CGNL1: variants seen among roughly 807,000 people sequenced by gnomAD.
The protein encoded by CGNL1 is cingulin-like protein 1.
CGNL1 carries 132 observed loss-of-function variants against 141.2 expected under a neutral mutation model. That is an observed-to-expected ratio of 0.93 (90% CI 0.81 to 1.08). The LOEUF (loss-of-function observed/expected upper bound fraction) is 1.08, where lower values mean the gene tolerates loss of function less well. Ranked by LOEUF, CGNL1 falls within the 50% of genes least tolerant of loss-of-function variation. The pLI, the probability that CGNL1 is intolerant of heterozygous loss-of-function variation, is 0.00. For synonymous variants in CGNL1, 690 were observed against 622.1 expected (o/e 1.11, Z -1.63); for missense variants, 1,870 against 1,588.6 (o/e 1.18, Z -3.01).
intron 4 of CGNL1, among the ~76,000 whole-genome samples, chr15:57,447,598 G>T (rs2063270607): frequency 6.6e-6 from 1 of 152,054 alleles, no homozygotes; most frequent in African/African-American, 2.4e-5. Context: ...CCTAAGAGTG[G>T]TTTTTCTTTT....
chr15:57,405,858 TTTTC>T (rs1489400276), intron 1 of CGNL1: 7 of 148,230 alleles, frequency 4.7e-5, no homozygotes, highest in African/African-American at 1.7e-4. Flanking sequence ...TTTCTTTTCT[TTTTC>T]TTTCTGTCTG....
chr15:57,483,296 C>A (rs1567146008), intron 8 of CGNL1, among the ~76,000 whole-genome samples: 1 of 152,038 alleles, frequency 6.6e-6, no homozygotes, highest in Non-Finnish European at 1.5e-5. Flanking sequence ...TAAACTTATA[C>A]CTAAGGGTTT....
chr15:57,472,825 G>A (rs1194252052), intron 8 of CGNL1, among the ~76,000 whole-genome samples: 1 of 152,182 alleles, frequency 6.6e-6, no homozygotes, highest in East Asian at 1.9e-4. Flanking sequence ...GTATGCTGAC[G>A]GAGAAGGTTT....
chr15:57,448,374 C>T (rs1022219409), intron 4 of CGNL1, among the ~76,000 whole-genome samples: 1 of 151,108 alleles, frequency 6.6e-6, no homozygotes, highest in Admixed American at 6.6e-5. Context: ...AAGGGCCAGG[C>T]ATGGTGGTTC....
rs2063289727 is a variant in CGNL1, at chr15:57,448,961, T to C, written c.1804-2539T>C. Among the ~76,000 whole-genome samples, 5 of 152,238 alleles carry C rather than the reference T, an allele frequency of 3.3e-5. No homozygotes were observed. The South Asian group carries it at 1.0e-3, about 31-fold the overall frequency. On this transcript the variant is annotated intron_variant, in intron 4 of 18. Coordinates refer to ENST00000281282, the MANE Select transcript of CGNL1 (RefSeq NM_032866.5). ...ACTTACAGATTACCTTGATTCTATA[T>C]GGTTGGTTGTTCTAGGCATTATTAG...
chr15:57,511,409 A>G (rs1426528283), intron 8 of CGNL1, among the ~76,000 whole-genome samples: 5 of 152,174 alleles, frequency 3.3e-5, no homozygotes, highest in Admixed American at 2.0e-4. Context: ...GTAGTGTGCA[A>G]TCTTTTGCTA....
At chr15:57,394,830 G>C (rs2062585125) in intron 1 of CGNL1, among the ~76,000 whole-genome samples, 1 of 152,122 alleles carries the variant, frequency 6.6e-6, no homozygotes, top group Non-Finnish European at 1.5e-5. Flanking sequence ...ACAATTATTT[G>C]GCTGGGCGCA....
intron 4 of CGNL1, among the ~76,000 whole-genome samples, chr15:57,448,046 C>T (rs1161953455): frequency 2.0e-5 from 3 of 152,036 alleles, no homozygotes; most frequent in African/African-American, 7.3e-5. Flanking sequence ...GTGGTTCATG[C>T]CTGTAATCCT....
chr15:57,547,770 C>T lies in CGNL1; in HGVS notation c.*280C>T, dbSNP rs2032945940. On this transcript the variant is annotated 3_prime_UTR_variant, in exon 19 of 19. Transcript: ENST00000281282. ...ACTTTGGTAGGCTGAGGCCCCTGTTCCACAGCCACTATTTGCATTGCTGTC... is the reference window on the plus strand; with the variant it reads ...ACTTTGGTAGGCTGAGGCCCCTGTTTCACAGCCACTATTTGCATTGCTGTC... The T allele has an allele frequency of 2.6e-6, 1 of 384,292 alleles. No individual in the cohort carries two copies. The highest frequency in any genetic ancestry group is 4.7e-6 in the Non-Finnish European group (1 of 213,926). 23.8% of individuals were successfully genotyped at this position (384,292 alleles called of 1,614,324 possible). A position where few individuals can be genotyped will look rare whatever the true frequency, so the allele number is the denominator to read the frequency against.
intron 1 of CGNL1, among the ~76,000 whole-genome samples, chr15:57,378,863 C>T (rs1465672633): frequency 1.3e-5 from 2 of 152,224 alleles, no homozygotes; most frequent in Non-Finnish European, 2.9e-5. Context: ...CACGACCATG[C>T]TCTGCTGCTA....
At chr15:57,461,209 A>G (rs1233004606) in intron 7 of CGNL1, among the ~76,000 whole-genome samples, 4 of 152,158 alleles carry the variant, frequency 2.6e-5, no homozygotes, top group Non-Finnish European at 4.4e-5. Flanking sequence ...GAGATAGAAG[A>G]AAAACAGGCA....
chr15:57,487,898 T>G (rs1301549304), intron 8 of CGNL1, among the ~76,000 whole-genome samples: 1 of 152,214 alleles, frequency 6.6e-6, no homozygotes, highest in Non-Finnish European at 1.5e-5. Context: ...AGGTTTTGCA[T>G]GGACGGACGT....
chr15:57,421,425 C>T (rs1314797861), intron 1 of CGNL1, among the ~76,000 whole-genome samples: 1 of 151,982 alleles, frequency 6.6e-6, no homozygotes, highest in African/African-American at 2.4e-5. Flanking sequence ...CCGAAAGGAA[C>T]CCTCTTTCCT....
At chr15:57,497,892 C>T (rs1342498898) in intron 8 of CGNL1, among the ~76,000 whole-genome samples, 3 of 152,210 alleles carry the variant, frequency 2.0e-5, no homozygotes, top group Non-Finnish European at 4.4e-5. Flanking sequence ...CTTCCATTTT[C>T]CTGGTGCCCT....
chr15:57,502,119 C>T lies in CGNL1; in HGVS notation c.2404-14661C>T, dbSNP rs1282437933. Among the ~76,000 whole-genome samples, 7 of 152,294 alleles carry T rather than the reference C, an allele frequency of 4.6e-5. No homozygotes were observed. The East Asian group carries it at 1.2e-3, about 25-fold the overall frequency. ...CCATGCTTTGAGAGAAGACTTAGTA[C>T]AACCTGCCAGTGAGTGAGGAAGGAC... On this transcript the variant is annotated intron_variant, in intron 8 of 18. Coordinates refer to ENST00000281282, the MANE Select transcript of CGNL1 (RefSeq NM_032866.5).
intron 1 of CGNL1, among the ~76,000 whole-genome samples, chr15:57,393,781 A>G (rs896040659): frequency 9.2e-5 from 14 of 152,244 alleles, no homozygotes; most frequent in Admixed American, 8.5e-4. Flanking sequence ...CTCAGTCTAT[A>G]TTATATCTGC....
At chr15:57,444,817 G>A (rs2063231646) in intron 4 of CGNL1, among the ~76,000 whole-genome samples, 1 of 152,202 alleles carries the variant, frequency 6.6e-6, no homozygotes, top group African/African-American at 2.4e-5. Flanking sequence ...GAAGTTGGAA[G>A]TTATGTAAGA....
At chr15:57,398,579 G>C (rs550711976) in intron 1 of CGNL1, 3 of 152,310 alleles carry the variant, frequency 2.0e-5, no homozygotes, top group Admixed American at 6.5e-5. Context: ...GTAGACGCTG[G>C]CACTGTGGGA....
intron 1 of CGNL1, among the ~76,000 whole-genome samples, chr15:57,397,779 A>G (rs1435717813): frequency 5.7e-5 from 8 of 140,884 alleles, no homozygotes; most frequent in African/African-American, 2.1e-4. Context: ...TACCACTTAA[A>G]TTTCCTCTTT....
Sources: gnomAD v4.1 joint callset for allele counts (sites outside exome capture counted in the v4.1 genomes callset) on GRCh38, gnomAD v4.1.1 for gene constraint, MANE v1.5 for transcripts, NCBI Gene and HGNC (gene_info 2026-07-23, HGNC 2026-07-21) for gene names.